The following NRG3 variants were observed in gnomAD, a reference collection of about 807,000 sequenced individuals.
NRG3 encodes the protein pro-neuregulin-3, membrane-bound isoform.
Under a neutral mutation model 66.9 loss-of-function variants are expected in NRG3, and 31 were observed. That is an observed-to-expected ratio of 0.46 (90% CI 0.35 to 0.63). The LOEUF (loss-of-function observed/expected upper bound fraction) is 0.63. Among genes scored for constraint, NRG3 ranks in the 20% least tolerant of loss-of-function variants. NRG3 has a pLI of 0.00. For missense variants in NRG3, 910 were observed against 878.9 expected, an observed-to-expected ratio of 1.04 and a Z score of -0.45; for synonymous variants, 393 against 359.4, an observed-to-expected ratio of 1.09 and a Z score of -1.06.
At chr10:82,498,646 A>T (rs1195360870) in intron 2 of NRG3, among the ~76,000 whole-genome samples, 2 of 152,080 alleles carry the variant, frequency 1.3e-5, no homozygotes, top group African/African-American at 4.8e-5. Flanking sequence ...AGGACATGAG[A>T]TTACTAGGAG....
At chr10:82,467,904 T>C (rs1034056036) in intron 2 of NRG3, among the ~76,000 whole-genome samples, 4 of 151,930 alleles carry the variant, frequency 2.6e-5, no homozygotes, top group African/African-American at 9.6e-5. Flanking sequence ...ATTCATGTTG[T>C]GTGTGTGTGT....
chr10:82,845,204 G>A (rs1195303911), intron 3 of NRG3, among the ~76,000 whole-genome samples: 2 of 152,308 alleles, frequency 1.3e-5, no homozygotes, highest in East Asian at 3.9e-4. Flanking sequence ...TTACATGCTT[G>A]TTTTGACTTC....
intron 4 of NRG3, among the ~76,000 whole-genome samples, chr10:82,935,019 A>G (rs1028484327): frequency 6.6e-6 from 1 of 152,208 alleles, no homozygotes; most frequent in African/African-American, 2.4e-5. Flanking sequence ...GATTTTCTTC[A>G]AAGACCTGGT....
intron 1 of NRG3, among the ~76,000 whole-genome samples, chr10:82,083,081 C>T (rs548160890): frequency 8.6e-5 from 13 of 151,728 alleles, no homozygotes; most frequent in African/African-American, 1.2e-4. Flanking sequence ...ACTGGGATTA[C>T]GAGTGTGAGC....
intron 2 of NRG3, among the ~76,000 whole-genome samples, chr10:82,433,091 G>T (rs1428553318): frequency 6.6e-6 from 1 of 152,110 alleles, no homozygotes; most frequent in Non-Finnish European, 1.5e-5. Flanking sequence ...CAGTGTAAAA[G>T]CGTTCCTATT....
chr10:82,069,298 T>G (rs1440667897), intron 1 of NRG3, among the ~76,000 whole-genome samples: 1 of 152,096 alleles, frequency 6.6e-6, no homozygotes, highest in Non-Finnish European at 1.5e-5. Context: ...AGGTACCAGA[T>G]ACACGAAAAG....
At chr10:82,839,032 A>C (rs1274776579) in intron 3 of NRG3, among the ~76,000 whole-genome samples, 1 of 152,120 alleles carries the variant, frequency 6.6e-6, no homozygotes, top group Non-Finnish European at 1.5e-5. Context: ...CAGTATGGGG[A>C]AAACCGCTCC....
intron 3 of NRG3, among the ~76,000 whole-genome samples, chr10:82,821,178 A>G (rs1305530522): frequency 6.6e-6 from 1 of 152,218 alleles, no homozygotes; most frequent in Non-Finnish European, 1.5e-5. Flanking sequence ...ACCTAGAGCC[A>G]CACAGCTGAG....
chr10:82,964,448 T>C (rs572606298), intron 6 of NRG3, among the ~76,000 whole-genome samples: 1 of 152,336 alleles, frequency 6.6e-6, no homozygotes, highest in South Asian at 2.1e-4. Context: ...CGTTTTGTGC[T>C]GTGCCTAGTG....
chr10:82,350,419 G>A (rs1276273941), intron 1 of NRG3, among the ~76,000 whole-genome samples: 2 of 152,166 alleles, frequency 1.3e-5, no homozygotes, highest in African/African-American at 4.8e-5. Flanking sequence ...CCATAATCTA[G>A]TTTGAGAAGA....
At chr10:82,330,379 CTATT>C (rs1306084461) in intron 1 of NRG3, among the ~76,000 whole-genome samples, 1 of 150,232 alleles carries the variant, frequency 6.7e-6, no homozygotes. Context: ...GTTTTTCTCT[CTATT>C]TGTTTAACAT....
Position 82,478,716 on chromosome 10 carries a change from G to T in NRG3, c.953+119848G>T, listed in dbSNP as rs527411492. On this transcript the variant is annotated intron_variant, in intron 2 of 8. Coordinates refer to ENST00000372141, the MANE Select transcript of NRG3 (RefSeq NM_001010848.4). The stretch of plus-strand genomic sequence containing the variant: ...AAAAGATTGAGAAATCCGATGGCTT[G>T]TGTCACTCTTGAAAATTACTTTGAA... Among the ~76,000 whole-genome samples, 12 of 152,072 alleles carry T rather than the reference G, an allele frequency of 7.9e-5. 3 individuals carry two copies. The East Asian group carries it at 2.3e-3, about 29-fold the overall frequency.
chr10:82,819,179 T>C (rs2061842737), intron 3 of NRG3, among the ~76,000 whole-genome samples: 1 of 152,224 alleles, frequency 6.6e-6, no homozygotes, highest in African/African-American at 2.4e-5. Context: ...AATTTACTTC[T>C]CTTAAAACTA....
chr10:82,019,971 A>G (rs1205172653), intron 1 of NRG3, among the ~76,000 whole-genome samples: 1 of 151,754 alleles, frequency 6.6e-6, no homozygotes, highest in Admixed American at 6.6e-5. Flanking sequence ...ATTTCTTGCC[A>G]TCTGCTAGCT....
intron 5 of NRG3, among the ~76,000 whole-genome samples, chr10:82,952,215 C>G (rs975521612): frequency 2.6e-5 from 4 of 151,976 alleles, no homozygotes; most frequent in African/African-American, 9.7e-5. Flanking sequence ...AGTGGATCAC[C>G]TGAGGTCAGG....
At chr10:82,047,041 G>A (rs534432620) in intron 1 of NRG3, among the ~76,000 whole-genome samples, 1 of 151,448 alleles carries the variant, frequency 6.6e-6, no homozygotes, top group African/African-American at 2.4e-5. Flanking sequence ...TTTCTTGGTT[G>A]TGTCTCTGCC....
chr10:82,789,569 A>G (rs1297818809), intron 3 of NRG3, among the ~76,000 whole-genome samples: 1 of 152,070 alleles, frequency 6.6e-6, no homozygotes, highest in East Asian at 1.9e-4. Context: ...TTTGATACAT[A>G]TAATCTGAAT....
intron 2 of NRG3, among the ~76,000 whole-genome samples, chr10:82,635,276 T>C (rs931574414): frequency 1.3e-5 from 2 of 152,126 alleles, no homozygotes; most frequent in African/African-American, 4.8e-5. Context: ...AGAACCCACG[T>C]AGTTATTTGA....
chr10:82,917,483 T>C (rs1314735523), intron 4 of NRG3, among the ~76,000 whole-genome samples: 1 of 152,198 alleles, frequency 6.6e-6, no homozygotes, highest in South Asian at 2.1e-4. Flanking sequence ...TAGAGATGGA[T>C]GGCTGATTTC....
Sources: gnomAD v4.1 joint callset for allele counts (sites outside exome capture counted in the v4.1 genomes callset) on GRCh38, gnomAD v4.1.1 for gene constraint, MANE v1.5 for transcripts, NCBI Gene and HGNC (gene_info 2026-07-23, HGNC 2026-07-21) for gene names.